MYO3B: variants seen among roughly 807,000 people sequenced by gnomAD.
The protein encoded by MYO3B is myosin IIIB, also known as myosin-IIIb.
Under a neutral mutation model 174.6 loss-of-function variants are expected in MYO3B, and 156 were observed. The ratio of observed to expected loss-of-function variants is 0.89; its 90% confidence interval spans 0.78 to 1.02. The LOEUF is 1.02. MYO3B is among the 50% of genes least tolerant of loss of function. MYO3B has a pLI of 0.00. For missense variants in MYO3B, 1,632 were observed against 1,639.4 expected (o/e 1.00, Z 0.08); for synonymous variants, 563 against 569.1 (o/e 0.99, Z 0.15).
chr2:170,498,916 T>C (rs6748052), intron 26 of MYO3B, among the ~76,000 whole-genome samples: 140,445 of 152,244 alleles, frequency 0.92, 65,759 homozygotes, highest in Non-Finnish European at 1. Context: ...ATTTGAGAGC[T>C]ATTTAGCATT....
intron 7 of MYO3B, among the ~76,000 whole-genome samples, chr2:170,307,005 T>A (rs1574756382): frequency 6.6e-6 from 1 of 152,268 alleles, no homozygotes; most frequent in African/African-American, 2.4e-5. Context: ...AAAAGTGATA[T>A]AATTTTCCTT....
At chr2:170,524,658 G>C in intron 30 of MYO3B, 1 of 325,402 alleles carries the variant, frequency 3.1e-6, no homozygotes, top group Non-Finnish European at 6.1e-6. Context: ...TAATTTTTGT[G>C]TTTTTAGTGG....
chr2:170,432,248 G>A (rs1448294204), intron 22 of MYO3B, among the ~76,000 whole-genome samples: 6 of 152,270 alleles, frequency 3.9e-5, no homozygotes, highest in African/African-American at 1.4e-4. Flanking sequence ...AACTCCCTGT[G>A]TGTTATTGCC....
intron 1 of MYO3B, among the ~76,000 whole-genome samples, chr2:170,190,592 C>T (rs1306843439): frequency 2.0e-5 from 3 of 152,034 alleles, no homozygotes; most frequent in Non-Finnish European, 4.4e-5. Context: ...CTCTTCCCTC[C>T]CCTTTGCATA....
chr2:170,401,112 T>A (rs754739077), intron 17 of MYO3B, among the ~76,000 whole-genome samples: 2 of 152,180 alleles, frequency 1.3e-5, no homozygotes, highest in Non-Finnish European at 2.9e-5. Flanking sequence ...ACAAACAAAC[T>A]GATTTAAATG....
At chr2:170,524,649 A>G (rs1270355148) in intron 30 of MYO3B, 1 of 322,584 alleles carries the variant, frequency 3.1e-6, no homozygotes, top group East Asian at 1.1e-4. Context: ...ACACCTGGCT[A>G]ATTTTTGTGT....
chr2:170,546,021 A>G (rs777276847), intron 32 of MYO3B, among the ~76,000 whole-genome samples: 3 of 151,900 alleles, frequency 2.0e-5, no homozygotes, highest in South Asian at 2.1e-4. Flanking sequence ...TCTCTTTTTC[A>G]TTCTGTGCTT....
Position 170,511,122 on chromosome 2 carries a change from C to T in MYO3B, c.3371-3799C>T, listed in dbSNP as rs556307633. ...TCGCCTAGGCTGGAGTGCAGTGGTG[C>T]GATCTCAGCTCACTGCAAACTCCGC... On this transcript the variant is annotated intron_variant, in intron 28 of 34. Transcript: ENST00000408978. Among the ~76,000 whole-genome samples the T allele has an allele frequency of 2.3e-3, 345 of 147,736 alleles. 6 individuals are homozygous for T. The highest frequency in any genetic ancestry group is 1.6e-3 in the East Asian group (8 of 5,002).
At chr2:170,212,855 C>G (rs2092787086) in intron 3 of MYO3B, among the ~76,000 whole-genome samples, 1 of 152,182 alleles carries the variant, frequency 6.6e-6, no homozygotes, top group Admixed American at 6.5e-5. Context: ...CAATTGTTGC[C>G]TAATCTGCAC....
chr2:170,554,004 C>T (rs1691109336), intron 32 of MYO3B, among the ~76,000 whole-genome samples: 3 of 152,124 alleles, frequency 2.0e-5, no homozygotes, highest in Admixed American at 6.5e-5. Context: ...CCCAATCATG[C>T]CTCCTGTACA....
chr2:170,511,061 GTTT>G (rs1352683626), intron 28 of MYO3B, among the ~76,000 whole-genome samples: 2 of 132,024 alleles, frequency 1.5e-5, no homozygotes, highest in Non-Finnish European at 1.7e-5. Flanking sequence ...TTTTCCTTTT[GTTT>G]TTTTTTTTTT....
chr2:170,273,619 C>T (rs1048075158), intron 7 of MYO3B, among the ~76,000 whole-genome samples: 1 of 152,110 alleles, frequency 6.6e-6, no homozygotes, highest in Non-Finnish European at 1.5e-5. Context: ...TTCTTCCTTC[C>T]TCTCACGTAC....
chr2:170,189,137 G>GT (rs1264542698), intron 1 of MYO3B, among the ~76,000 whole-genome samples: 2 of 152,088 alleles, frequency 1.3e-5, no homozygotes, highest in African/African-American at 2.4e-5. Flanking sequence ...TAGGATAAAA[G>GT]TTTTTTTCCT....
intron 30 of MYO3B, among the ~76,000 whole-genome samples, chr2:170,537,005 G>T (rs898116707): frequency 9.9e-5 from 15 of 151,774 alleles, no homozygotes; most frequent in East Asian, 3.9e-4. Flanking sequence ...TTCAAGACCA[G>T]CCTGGCCAAC....
Position 170,206,383 on chromosome 2 carries a change from T to C in MYO3B, c.321+6099T>C, listed in dbSNP as rs530388165. The stretch of plus-strand genomic sequence containing the variant: ...ACAGCTCTGCTTCCACATTCCACAC[T>C]ATAATTACTCGTATGTCCATTACTG... On this transcript the variant is annotated intron_variant, in intron 3 of 34. Coordinates refer to ENST00000408978, the MANE Select transcript of MYO3B (RefSeq NM_138995.5). The surrounding 1 kb of genome is among the most constrained non-coding windows in gnomAD (Gnocchi z 4.3). Among the ~76,000 whole-genome samples the C allele has an allele frequency of 4.6e-5, 7 of 152,296 alleles. No individual in the cohort carries two copies. The South Asian group carries it at 1.5e-3, about 32-fold the overall frequency.
At chr2:170,533,690 G>A (rs1282327661) in intron 30 of MYO3B, among the ~76,000 whole-genome samples, 4 of 152,118 alleles carry the variant, frequency 2.6e-5, no homozygotes, top group East Asian at 1.9e-4. Flanking sequence ...CCATGTTTAC[G>A]GATTTGTCTT....
rs188855497 is a variant in MYO3B, at chr2:170,646,952, C to T, written c.3734-4676C>T. ...GTAACTTTTATGGGTATATATCTTT[C>T]AATTGTTTTTATCTTTCTGTTGTAC... On this transcript the variant is annotated intron_variant, in intron 32 of 34. Coordinates refer to ENST00000408978, the MANE Select transcript of MYO3B (RefSeq NM_138995.5). 224 of 1,334,942 alleles carry T rather than the reference C, an allele frequency of 1.7e-4. 1 individual carries two copies. In the African/African-American group the frequency reaches 2.6e-3, roughly 15 times the overall value. The allele number at this position is 1,334,942 out of a possible 1,614,324, so 82.7% of individuals were successfully genotyped here.
At position 170,200,069 on chromosome 2, in the gene MYO3B, A is replaced by G. The variant is rs963080051; in HGVS notation, c.187-81A>G. 5.2e-6 allele frequency: 7 copies of G among 1,340,546 alleles called. No homozygotes were observed. In the African/African-American group the frequency reaches 7.4e-5, roughly 14 times the overall value. The allele number at this position is 1,340,546 out of a possible 1,614,324, so 83.0% of individuals were successfully genotyped here. On this transcript the variant is annotated intron_variant, in intron 2 of 34. Coordinates refer to ENST00000408978, the MANE Select transcript of MYO3B (RefSeq NM_138995.5). Reference sequence around the variant, plus strand: ...AATACATAGTACATATGTTTTACTAAGTACTTGAGCATGATGTCATATCTG... The same window carrying G: ...AATACATAGTACATATGTTTTACTAGGTACTTGAGCATGATGTCATATCTG...
chr2:170,337,518 G>A (rs888321046), intron 8 of MYO3B, among the ~76,000 whole-genome samples: 13 of 152,054 alleles, frequency 8.5e-5, no homozygotes, highest in East Asian at 1.9e-4. Flanking sequence ...AACTAAGCTC[G>A]GTGTTCCTTG....
Sources: allele counts gnomAD v4.1 joint callset (sites outside exome capture counted in the v4.1 genomes callset), GRCh38; gene constraint gnomAD v4.1.1; non-coding constraint Gnocchi (gnomAD v3.1); transcripts MANE v1.5; gene names NCBI Gene and HGNC (gene_info 2026-07-23, HGNC 2026-07-21).